The following PCDHA2 variants were observed in gnomAD, a reference collection of about 807,000 sequenced individuals.
PCDHA2 encodes protocadherin alpha 2.
PCDHA2 carries 58 observed loss-of-function variants against 66.0 expected under a neutral mutation model. The ratio of observed to expected loss-of-function variants is 0.88; its 90% confidence interval spans 0.71 to 1.09. The LOEUF (loss-of-function observed/expected upper bound fraction) is 1.09. PCDHA2 is among the 50% of genes least tolerant of loss of function. The pLI, the probability that PCDHA2 is intolerant of heterozygous loss-of-function variation, is 0.00. For synonymous variants in PCDHA2, 634 were observed against 554.0 expected, an observed-to-expected ratio of 1.14 and a Z score of -2.03; for missense variants, 1,267 against 1,242.3, an observed-to-expected ratio of 1.02 and a Z score of -0.30.
chr5:140,897,312 T>G (rs1367286366), intron 1 of PCDHA2, among the ~76,000 whole-genome samples: 12 of 150,180 alleles, frequency 8.0e-5, no homozygotes, highest in Non-Finnish European at 1.6e-4. Context: ...TAGGTATATC[T>G]CCTAAAGCTA....
intron 1 of PCDHA2, 78 bp from the exon 2 acceptor site, chr5:140,978,871 T>A (rs1328301924): frequency 6.2e-7 from 1 of 1,606,392 alleles, no homozygotes; most frequent in Non-Finnish European, 8.5e-7. Context: ...TTTAAGGGAG[T>A]AACTAATCAA....
rs1554138767 is a variant in PCDHA2, at chr5:140,842,067, T to C, written c.2388+44715T>C. On this transcript the variant is annotated intron_variant, in intron 1 of 3. Coordinates refer to ENST00000526136, the MANE Select transcript of PCDHA2 (RefSeq NM_018905.3). ...ACTTTCGAACAGTCTGAATACGAAG[T>C]AAGAATATTCGAAAACGCAGACAAC... 5.6e-6 allele frequency: 9 copies of C among 1,613,874 alleles called. No individual in the cohort carries two copies. The South Asian group carries it at 9.9e-5, about 18-fold the overall frequency.
chr5:140,795,606 T>C lies in PCDHA2; in HGVS notation c.642T>C (p.Ala214=). The change falls in exon 1 of 4, where the codon GCT becomes GCC. Residue 214 remains alanine, a synonymous_variant. Transcript: ENST00000526136. ...CTGAGGTTAATTTGTTACTGGTGGC[T>C]ACTGATGGGGGCAAACCTGAGCTCA... The part of the protein sequence containing the change: ...ETAEVNLLLV[A]TDGGKPELTG... 6.2e-7 allele frequency: 1 copy of C among 1,614,214 alleles called. No individual in the cohort carries two copies. Among genetic ancestry groups the C allele is most frequent in the Non-Finnish European group, 8.5e-7 (1 of 1,180,036 alleles).
At chr5:140,971,977 G>A (rs891260348) in intron 1 of PCDHA2, among the ~76,000 whole-genome samples, 1 of 152,022 alleles carries the variant, frequency 6.6e-6, no homozygotes, top group Non-Finnish European at 1.5e-5. Context: ...AATACTATGA[G>A]TAGACAGAAG....
rs546551059 is a variant in PCDHA2, at chr5:140,918,074, G to A, written c.2389-60875G>A. Among the ~76,000 whole-genome samples, 10 of 152,214 alleles carry A rather than the reference G, an allele frequency of 6.6e-5. No individual in the cohort carries two copies. The East Asian group carries it at 1.9e-3, about 29-fold the overall frequency. On this transcript the variant is annotated intron_variant, in intron 1 of 3. Transcript: ENST00000526136. ...TTATCATCTCTGATTTCTTTCAGTA[G>A]TGTTTTATAATTCTTTTTATAGAGA...
chr5:140,992,576 G>T (rs992150186), intron 3 of PCDHA2, among the ~76,000 whole-genome samples: 4 of 152,172 alleles, frequency 2.6e-5, no homozygotes, highest in Admixed American at 2.0e-4. Flanking sequence ...CATATTGCCT[G>T]CCTTGTATGC....
rs376026810 is a variant in PCDHA2 at position 140,944,280 on chromosome 5, C to T, written c.2389-34669C>T. 2.0e-4 allele frequency among the ~76,000 whole-genome samples: 31 copies of T among 152,226 alleles called. 1 individual carries two copies. The South Asian group carries it at 2.9e-3, about 14-fold the overall frequency. Reference sequence around the variant, plus strand: ...ACTGCTCACTGCAGCCTTGACACCCCGGGCTCAAGCGATCCTCCTACCTCA... The same window carrying T: ...ACTGCTCACTGCAGCCTTGACACCCTGGGCTCAAGCGATCCTCCTACCTCA... On this transcript the variant is annotated intron_variant, in intron 1 of 3. Coordinates refer to ENST00000526136, the MANE Select transcript of PCDHA2 (RefSeq NM_018905.3).
intron 1 of PCDHA2, chr5:140,882,520 G>C (rs2059167404): frequency 6.2e-7 from 1 of 1,614,218 alleles, no homozygotes; most frequent in Admixed American, 1.7e-5. Context: ...ATGGCATTTT[G>C]TTTGTGAATT....
At chr5:140,990,740 G>A (rs76434886) in intron 3 of PCDHA2, among the ~76,000 whole-genome samples, 1 of 152,170 alleles carries the variant, frequency 6.6e-6, no homozygotes, top group African/African-American at 2.4e-5. Flanking sequence ...AACAGCCCTA[G>A]GGTGGATACC....
intron 1 of PCDHA2, chr5:140,852,742 T>G (rs1190690172): frequency 1.0e-6 from 1 of 984,108 alleles, no homozygotes; most frequent in African/African-American, 1.8e-5. Context: ...ATGTGCCATT[T>G]AAACTTGGAC....
At chr5:141,005,680 C>T (rs1389178600) in intron 3 of PCDHA2, among the ~76,000 whole-genome samples, 6 of 111,878 alleles carry the variant, frequency 5.4e-5, no homozygotes, top group East Asian at 2.8e-4. Flanking sequence ...CCAGCCTGGG[C>T]GACAGAGCGA....
intron 1 of PCDHA2, among the ~76,000 whole-genome samples, chr5:140,947,975 A>G (rs572156919): frequency 5.8e-4 from 87 of 150,726 alleles, no homozygotes; most frequent in African/African-American, 1.9e-3. Context: ...TGTGCTACTC[A>G]TAGGTTTTTC....
intron 1 of PCDHA2, among the ~76,000 whole-genome samples, chr5:140,873,019 T>C (rs1453965744): frequency 6.6e-6 from 1 of 152,206 alleles, no homozygotes; most frequent in Non-Finnish European, 1.5e-5. Flanking sequence ...TATTTAGTTA[T>C]TCTTACTACA....
intron 1 of PCDHA2, among the ~76,000 whole-genome samples, chr5:140,892,460 C>T (rs1428598912): frequency 1.3e-5 from 2 of 152,102 alleles, no homozygotes; most frequent in African/African-American, 2.4e-5. Context: ...TCTTTAAGTA[C>T]GGTTATTCAG....
intron 1 of PCDHA2, among the ~76,000 whole-genome samples, chr5:140,908,003 C>G (rs1325602233): frequency 1.3e-5 from 2 of 152,164 alleles, no homozygotes; most frequent in Non-Finnish European, 2.9e-5. Context: ...ACCATCCAGC[C>G]AAACCACTGG....
chr5:140,980,810 GA>G (rs1410107766), intron 2 of PCDHA2, among the ~76,000 whole-genome samples: 5 of 152,024 alleles, frequency 3.3e-5, no homozygotes, highest in Non-Finnish European at 7.4e-5. Context: ...GTAATACATT[GA>G]ACATATTAAA....
intron 1 of PCDHA2, chr5:140,929,372 G>A: frequency 1.3e-6 from 2 of 1,514,740 alleles, no homozygotes; most frequent in Non-Finnish European, 1.8e-6. Context: ...GGAGATGGCT[G>A]CTAGCTGTGT....
At chr5:140,966,198 T>C in intron 1 of PCDHA2, 1 of 214,428 alleles carries the variant, frequency 4.7e-6, no homozygotes, top group Non-Finnish European at 9.1e-6. Context: ...TTCTAGGGGC[T>C]TGACTGCTTT....
At position 140,877,217 on chromosome 5, in the gene PCDHA2, C is replaced by T. The variant is rs571871387; in HGVS notation, c.2388+79865C>T. ...GGAGGCGCAGTTAGCGAGTTGGTAC[C>T]GCGGTCGGTGGGTGCGGGCCACGTG... On this transcript the variant is annotated intron_variant, in intron 1 of 3. Coordinates refer to ENST00000526136, the MANE Select transcript of PCDHA2 (RefSeq NM_018905.3). 144 of 1,613,624 alleles carry T rather than the reference C, an allele frequency of 8.9e-5. No individual in the cohort carries two copies. Among genetic ancestry groups the T allele is most frequent in the Non-Finnish European group, 1.2e-4 (138 of 1,179,784 alleles).
Sources: gnomAD v4.1 joint callset for allele counts (sites outside exome capture counted in the v4.1 genomes callset) on GRCh38, gnomAD v4.1.1 for gene constraint, MANE v1.5 for transcripts, NCBI Gene and HGNC (gene_info 2026-07-23, HGNC 2026-07-21) for gene names.